DENND2B: variants seen among roughly 807,000 people sequenced by gnomAD.
DENND2B encodes the protein DENN domain-containing protein 2B.
A neutral mutation model predicts 116.0 loss-of-function variants in DENND2B; 32 were observed. The ratio of observed to expected loss-of-function variants is 0.28; its 90% CI spans 0.21 to 0.37. The LOEUF is 0.37. Among genes scored for constraint, DENND2B ranks in the 10% least tolerant of loss-of-function variants. The pLI is 1.00. For synonymous variants in DENND2B, 588 were observed against 583.9 expected (o/e 1.01, Z -0.10); for missense variants, 1,276 against 1,477.7 (o/e 0.86, Z 2.24).
intron 4 of DENND2B, among the ~76,000 whole-genome samples, chr11:8,838,924 T>C (rs1566037537): frequency 1.3e-5 from 2 of 152,166 alleles, no homozygotes; most frequent in Non-Finnish European, 2.9e-5. Flanking sequence ...CAATGACCAT[T>C]CTTAGGCCTA....
intron 1 of DENND2B, among the ~76,000 whole-genome samples, chr11:8,790,779 A>G (rs2059314746): frequency 6.6e-6 from 1 of 152,126 alleles, no homozygotes; most frequent in South Asian, 2.1e-4. Flanking sequence ...AGTCTCAAAG[A>G]AAAATTCTGT....
At chr11:8,715,567 T>C in intron 6 of DENND2B, 36 bp downstream of exon 6, 1 of 1,605,106 alleles carries the variant, frequency 6.2e-7, no homozygotes, top group Non-Finnish European at 8.5e-7. Context: ...CCCGCCCACC[T>C]GCCCGGCTCC....
At chr11:8,815,028 C>G (rs978637), upstream of DENND2B, among the ~76,000 whole-genome samples, 126,695 of 151,948 alleles carry the variant, frequency 0.83, 54,253 homozygotes, top group Non-Finnish European at 0.94. Flanking sequence ...CCTGGGGCTG[C>G]CCTCCAGGGT....
intron 1 of DENND2B, among the ~76,000 whole-genome samples, chr11:8,767,316 C>A (rs572886868): frequency 2.2e-4 from 33 of 152,198 alleles, no homozygotes; most frequent in African/African-American, 7.7e-4. Context: ...GGAGGGTGAT[C>A]ATTGGCTTGG....
intron 1 of DENND2B, among the ~76,000 whole-genome samples, chr11:8,801,776 G>C (rs573569157): frequency 1.2e-4 from 18 of 151,604 alleles, no homozygotes; most frequent in Non-Finnish European, 1.5e-4. Flanking sequence ...AGCCGAGGTG[G>C]GCGGATCACT....
intron 4 of DENND2B, among the ~76,000 whole-genome samples, chr11:8,722,164 G>A (rs1038191213): frequency 6.6e-6 from 1 of 152,246 alleles, no homozygotes; most frequent in Non-Finnish European, 1.5e-5. Flanking sequence ...ACCTCAGTAT[G>A]TTTGGGAGTA....
upstream of DENND2B, among the ~76,000 whole-genome samples, chr11:8,873,859 C>T (rs2063816806): frequency 6.6e-6 from 1 of 152,152 alleles, no homozygotes; most frequent in African/African-American, 2.4e-5. Context: ...AGAATGAAAT[C>T]GCCATGGAAG....
At chr11:8,861,784 G>A (rs544935391) in intron 2 of DENND2B, among the ~76,000 whole-genome samples, 3 of 152,184 alleles carry the variant, frequency 2.0e-5, no homozygotes, top group Admixed American at 2.0e-4. Flanking sequence ...CAACCTAAGT[G>A]CCCATCAACC....
upstream of DENND2B, among the ~76,000 whole-genome samples, chr11:8,812,081 T>C (rs2061403434): frequency 6.6e-6 from 1 of 152,174 alleles, no homozygotes; most frequent in Admixed American, 6.5e-5. Context: ...TCAGAGAGAT[T>C]AAACATTTGA....
intron 3 of DENND2B, among the ~76,000 whole-genome samples, chr11:8,843,412 T>C (rs756597905): frequency 6.6e-6 from 1 of 152,162 alleles, no homozygotes; most frequent in South Asian, 2.1e-4. Context: ...TGCTACTAAG[T>C]ACAAAACCTG....
intron 1 of DENND2B, among the ~76,000 whole-genome samples, chr11:8,783,659 A>T (rs1319522879): frequency 6.6e-6 from 1 of 152,252 alleles, no homozygotes; most frequent in Non-Finnish European, 1.5e-5. Flanking sequence ...CTCAATGAGC[A>T]TGTATTTCTT....
chr11:8,794,105 G>C (rs2059613687), intron 1 of DENND2B, among the ~76,000 whole-genome samples: 2 of 152,194 alleles, frequency 1.3e-5, no homozygotes, highest in Non-Finnish European at 2.9e-5. Context: ...TTTTGCAAAA[G>C]TTTTTAGAAC....
At chr11:8,744,472 G>A (rs1322543634) in intron 2 of DENND2B, among the ~76,000 whole-genome samples, 2 of 152,078 alleles carry the variant, frequency 1.3e-5, no homozygotes, top group Non-Finnish European at 2.9e-5. Context: ...TCAGCTTGGA[G>A]TAAAAAGAGC....
intron 3 of DENND2B, among the ~76,000 whole-genome samples, chr11:8,856,799 G>A (rs565079643): frequency 6.6e-6 from 1 of 151,332 alleles, no homozygotes; most frequent in East Asian, 1.9e-4. Context: ...TGTCACCCAG[G>A]CTAGAGTGCA....
chr11:8,792,912 CT>C (rs1362644834), intron 1 of DENND2B, among the ~76,000 whole-genome samples: 4 of 152,150 alleles, frequency 2.6e-5, no homozygotes, highest in African/African-American at 9.7e-5. Context: ...CAAATCTTTC[CT>C]TCTAGGAATT....
Position 8,800,094 on chromosome 11 carries a change from C to T in DENND2B, c.-26+10423G>A, listed in dbSNP as rs192201263. 1.1e-3 allele frequency among the ~76,000 whole-genome samples: 164 copies of T among 152,168 alleles called. 1 individual carries two copies. The highest frequency in any genetic ancestry group is 3.7e-3 in the African/African-American group (155 of 41,518). ...TCAGCCTCCCAAGTAGCTGGGACTA[C>T]AGGCATGTGTTACCATGCTTGGTTA... is the stretch of plus-strand genomic sequence containing the variant. On this transcript the variant is annotated intron_variant, in intron 1 of 19. Coordinates refer to ENST00000313726, the MANE Select transcript of DENND2B (RefSeq NM_213618.2).
intron 1 of DENND2B, chr11:8,794,641 C>G (rs1467774486): frequency 2.0e-5 from 3 of 152,278 alleles, no homozygotes; most frequent in Non-Finnish European, 2.9e-5. Flanking sequence ...AATGATGATG[C>G]CAAGGAGGAC....
chr11:8,754,952 G>A (rs1241625238), intron 1 of DENND2B, among the ~76,000 whole-genome samples: 3 of 152,150 alleles, frequency 2.0e-5, no homozygotes, highest in Non-Finnish European at 4.4e-5. Flanking sequence ...TAGTGGTAAT[G>A]GTTGTACAAC....
Position 8,730,359 on chromosome 11 carries a change from C to T in DENND2B, c.931G>A (p.Asp311Asn), listed in dbSNP as rs955907507. Residue 311 changes from aspartate to asparagine, a missense_variant, in exon 3 of 20, where the codon GAC becomes AAC. Transcript: ENST00000313726. The surrounding 1 kb of genome is among the most constrained non-coding windows in gnomAD (Gnocchi z 4.1). ...GTTCCAGTCTTCCTTTTCCCCCGGT[C>T]CACGCTGTAGCAGCTGCTGGGGAGC... ...PQLPSSCYSV[D>N]RGKRKTGTLG... 1 of 1,602,668 alleles carries T rather than the reference C, an allele frequency of 6.2e-7. No individual in the cohort carries two copies. Among genetic ancestry groups the T allele is most frequent in the African/African-American group, 1.3e-5 (1 of 74,876 alleles).
Sources: gnomAD v4.1 joint callset for allele counts (sites outside exome capture counted in the v4.1 genomes callset) on GRCh38, gnomAD v4.1.1 for gene constraint, Gnocchi (gnomAD v3.1) non-coding constraint, MANE v1.5 for transcripts, NCBI Gene and HGNC (gene_info 2026-07-23, HGNC 2026-07-21) for gene names.